Variants in ERBB3 observed in about 807,000 individuals in gnomAD.
ERBB3 encodes the protein erb-b2 receptor tyrosine kinase 3.
ERBB3 carries 96 observed loss-of-function variants against 156.7 expected under a neutral mutation model. The ratio of observed to expected loss-of-function variants is 0.61; its 90% CI spans 0.52 to 0.73. The LOEUF (loss-of-function observed/expected upper bound fraction) is 0.73, where lower values mean the gene tolerates loss of function less well. ERBB3 is among the 30% of genes least tolerant of loss of function. ERBB3 has a pLI of 0.00. For missense variants in ERBB3, 1,406 were observed against 1,709.4 expected, an observed-to-expected ratio of 0.82 and a Z score of 3.13; for synonymous variants, 567 against 632.0, an observed-to-expected ratio of 0.90 and a Z score of 1.54.
At position 56,093,494 on chromosome 12, in the gene ERBB3, G is replaced by A. The variant is rs372171124; in HGVS notation, c.1424G>A (p.Arg475Gln). The A allele has an allele frequency of 2.6e-4, 413 of 1,613,786 alleles. 2 individuals carry two copies. The South Asian group carries it at 4.1e-3, about 16-fold the overall frequency. ...HHSLNWTKVL[R>Q]GPTEERLDIK... ...TCTTTGAACTGGACCAAGGTGCTTC[G>A]GGGGCCTACGGAAGAGCGACTAGAC... Residue 475 changes from arginine (R) to glutamine (Q), a missense_variant, in exon 12 of 28, where the codon CGG (arginine) becomes CAG (glutamine). Coordinates refer to ENST00000267101, the MANE Select transcript of ERBB3 (RefSeq NM_001982.4).
Position 56,103,392 on chromosome 12 carries a change from T to A in ERBB3, c.*1337T>A, listed in dbSNP as rs1869190776. The stretch of plus-strand genomic sequence containing the variant: ...GACAGAAAAAAGATCCAGCTTCAGC[T>A]GCACACCTCTGTCCCCTTGGATGGG... On this transcript the variant is annotated 3_prime_UTR_variant, in exon 28 of 28. Transcript: ENST00000267101. 1 of 217,890 alleles carries A rather than the reference T, an allele frequency of 4.6e-6. No homozygotes were observed. Among genetic ancestry groups the A allele is most frequent in the Non-Finnish European group, 9.2e-6 (1 of 108,434 alleles). 13.5% of individuals were successfully genotyped at this position (217,890 alleles called of 1,614,324 possible).
Position 56,101,142 on chromosome 12 carries a change from G to C in ERBB3, c.3283G>C (p.Glu1095Gln). 1 of 1,613,960 alleles carries C rather than the reference G, an allele frequency of 6.2e-7. No homozygotes were observed. Among genetic ancestry groups the C allele is most frequent in the Non-Finnish European group, 8.5e-7 (1 of 1,180,012 alleles). Residue 1095 changes from glutamate to glutamine, a missense_variant, in exon 27 of 28, where the codon GAG becomes CAG. Coordinates refer to ENST00000267101, the MANE Select transcript of ERBB3 (RefSeq NM_001982.4). Reference protein sequence around the residue: ...HPMPRGCLASESSEGHVTGSE... With the variant: ...HPMPRGCLASQSSEGHVTGSE... The stretch of plus-strand genomic sequence containing the variant: ...AATGCCACGGGGATGCCTGGCATCA[G>C]AGTCATCAGAGGGGCATGTAACAGG...
At chr12:56,086,001 G>C (rs551838098) in intron 3 of ERBB3, among the ~76,000 whole-genome samples, 1 of 150,368 alleles carries the variant, frequency 6.7e-6, no homozygotes, top group South Asian at 2.1e-4. Flanking sequence ...CCCGGGAGGC[G>C]GAGCTTGCAG....
In ERBB3 at chr12:56,101,574, G is replaced by T. The variant is rs1356699066; in HGVS notation, c.3548G>T (p.Ser1183Ile). 6.2e-7 allele frequency: 1 copy of T among 1,614,080 alleles called. No individual in the cohort carries two copies. The highest frequency in any genetic ancestry group is 8.5e-7 in the Non-Finnish European group (1 of 1,180,018). The change falls in exon 28 of 28, where the codon AGT becomes ATT. Residue 1183 changes from serine to isoleucine, a missense_variant. Around this residue, in one of 3 missense-constraint regions of ERBB3, gnomAD observed 415 missense variants for 454.1 expected, o/e 0.91. Transcript: ENST00000267101. ...GGCACCCTTTCTTCAGTGGGTCTCA[G>T]TTCTGTCCTGGGTACTGAAGAAGAA... Reference protein sequence around the residue: ...REGTLSSVGLSSVLGTEEEDE... With the variant: ...REGTLSSVGLISVLGTEEEDE...
At chr12:56,093,977 C>T (rs149790108) in intron 13 of ERBB3, 81 bp downstream of exon 13, 1 of 1,589,660 alleles carries the variant, frequency 6.3e-7, no homozygotes, top group African/African-American at 1.3e-5. Context: ...CAATAAAAGT[C>T]TTTAGACAGC....
chr12:56,090,309 C>T (rs1362394168), intron 9 of ERBB3, among the ~76,000 whole-genome samples: 1 of 152,070 alleles, frequency 6.6e-6, no homozygotes, highest in Non-Finnish European at 1.5e-5. Context: ...CCCCCATACA[C>T]TCTTTTACCC....
intron 20 of ERBB3, 132 bp from the exon 21 acceptor site, chr12:56,097,653 C>T: frequency 1.0e-6 from 1 of 971,748 alleles, no homozygotes; most frequent in East Asian, 2.4e-5. Context: ...CTGTCTTCCA[C>T]AAAACCAGTC....
Position 56,095,129 on chromosome 12 carries a change from G to A in ERBB3, c.1860-128G>A, listed in dbSNP as rs705708. On this transcript the variant is annotated intron_variant, in intron 15 of 27. Coordinates refer to ENST00000267101, the MANE Select transcript of ERBB3 (RefSeq NM_001982.4). ...GAGCTGGAGGTGGAGGCCATGTCTT[G>A]GGATCAGCTCTGGGCTCCAGGATGG... The A allele has an allele frequency of 0.42, 309,995 of 746,480 alleles. 66,689 individuals carry two copies. The highest frequency in any genetic ancestry group is 0.46 in the Non-Finnish European group (190,451 of 410,360). The allele number at this position is 746,480 out of a possible 1,614,324, so 46.2% of individuals were successfully genotyped here.
rs766897145 is a variant in ERBB3 at position 56,094,134 on chromosome 12, TCTC to T, written c.1652_1654del (p.Ser551del). On this transcript the variant is annotated inframe_deletion, in exon 14 of 28. Coordinates refer to ENST00000267101, the MANE Select transcript of ERBB3 (RefSeq NM_001982.4). The stretch of plus-strand genomic sequence containing the variant: ...GAATTTGCCCATGAGGCCGAATGCT[TCTC>T]CTGCCACCCGGAATGCCAACCCATG... 3 of 1,613,834 alleles carry T rather than the reference TCTC, an allele frequency of 1.9e-6. No individual in the cohort carries two copies. Among genetic ancestry groups the T allele is most frequent in the Non-Finnish European group, 1.7e-6 (2 of 1,179,966 alleles).
chr12:56,098,228 C>T (rs1054881282), intron 21 of ERBB3: 12 of 534,752 alleles, frequency 2.2e-5, no homozygotes, highest in Non-Finnish European at 3.3e-5. Flanking sequence ...CACGGTGAAA[C>T]CCCGTCTCTA....
rs2136812277 is a variant in ERBB3, at chr12:56,094,170, C to T, written c.1685C>T (p.Thr562Ile). ...CHPECQPMEGTATCNGSGSDT... is the reference protein window; with the variant it reads ...CHPECQPMEGIATCNGSGSDT... ...CCGGAATGCCAACCCATGGAGGGCACTGCCACATGCAATGGCTCGGTATAC... is the reference window on the plus strand; with the variant it reads ...CCGGAATGCCAACCCATGGAGGGCATTGCCACATGCAATGGCTCGGTATAC... The change falls in exon 14 of 28, where the codon ACT (threonine) becomes ATT (isoleucine). Residue 562 changes from threonine to isoleucine, a missense_variant. Coordinates refer to ENST00000267101, the MANE Select transcript of ERBB3 (RefSeq NM_001982.4). 7 of 1,613,850 alleles carry T rather than the reference C, an allele frequency of 4.3e-6. No homozygotes were observed. Among genetic ancestry groups the T allele is most frequent in the African/African-American group, 1.3e-5 (1 of 75,024 alleles).
At chr12:56,093,919 A>G (rs1868803444) in intron 13 of ERBB3, 23 bp downstream of exon 13, 2 of 1,107,984 alleles carry the variant, frequency 1.8e-6, no homozygotes, top group Non-Finnish European at 2.7e-6. Flanking sequence ...GAGCCAGTCA[A>G]GGATGGGTGG....
intron 4 of ERBB3, 75 bp from the exon 5 acceptor site, chr12:56,087,502 A>T: frequency 8.1e-7 from 1 of 1,238,472 alleles, no homozygotes. Context: ...CTGTGTACTG[A>T]CATCATACCC....
chr12:56,088,642 G>T lies in ERBB3; in HGVS notation c.974G>T (p.Gly325Val). ...NGLKMCEPCG[G>V]LCPKACEGTG... ...CTCAAGATGTGTGAGCCTTGTGGGG[G>T]ACTATGTCCCAAAGGTGGGTAGGAG... The change falls in exon 8 of 28, where the codon GGA becomes GTA. Residue 325 changes from glycine to valine, a missense_variant. By Grantham distance (109) the Gly-to-Val change is moderately radical. Transcript: ENST00000267101. 1 of 1,614,052 alleles carries T rather than the reference G, an allele frequency of 6.2e-7. No individual in the cohort carries two copies. Among genetic ancestry groups the T allele is most frequent in the Non-Finnish European group, 8.5e-7 (1 of 1,179,898 alleles).
chr12:56,102,293 T>A lies in ERBB3; in HGVS notation c.*238T>A. On this transcript the variant is annotated 3_prime_UTR_variant, in exon 28 of 28. Transcript: ENST00000267101. ...CAGGAAAGGTTTTCCTTATTTTGTG[T>A]GCTTTCCCAGTCCCATTCCTCAGCT... 1 of 535,932 alleles carries A rather than the reference T, an allele frequency of 1.9e-6. No individual in the cohort carries two copies. Among genetic ancestry groups the A allele is most frequent in the Non-Finnish European group, 3.4e-6 (1 of 297,878 alleles). The allele number at this position is 535,932 out of a possible 1,614,324, so 33.2% of individuals were successfully genotyped here.
Position 56,095,535 on chromosome 12 carries a change from G to A in ERBB3, c.1914-130G>A, listed in dbSNP as rs894213790. On this transcript the variant is annotated intron_variant, in intron 16 of 27. Coordinates refer to ENST00000267101, the MANE Select transcript of ERBB3 (RefSeq NM_001982.4). Reference sequence around the variant, plus strand: ...CCAGATTTAGGTTGGTCCCTTCAGTGCTTAAGGATATATATGTGAATGTTA... The same window carrying A: ...CCAGATTTAGGTTGGTCCCTTCAGTACTTAAGGATATATATGTGAATGTTA... 3.4e-6 allele frequency: 4 copies of A among 1,182,048 alleles called. No individual in the cohort carries two copies. The African/African-American group carries it at 4.6e-5, about 13-fold the overall frequency. The allele number at this position is 1,182,048 out of a possible 1,614,324, so 73.2% of individuals were successfully genotyped here. A position where few individuals can be genotyped will look rare whatever the true frequency, so the allele number is the denominator to read the frequency against.
In ERBB3 at chr12:56,100,190, G is replaced by A. The variant is rs1385015783; in HGVS notation, c.3146G>A (p.Ser1049Asn). The change falls in exon 26 of 28, where the codon AGT (serine) becomes AAT (asparagine). Residue 1049 changes from serine to asparagine, a missense_variant. Ser to Asn is a conservative substitution (Grantham distance 46). This residue lies in a region of ERBB3 where 415 missense variants were observed against 454.1 expected (regional missense o/e 0.91). Coordinates refer to ENST00000267101, the MANE Select transcript of ERBB3 (RefSeq NM_001982.4). ...TCATCCTAGAGCCAGAGCCTTTTAAGTCCATCATCTGGATACATGCCCATG... is the reference window on the plus strand; with the variant it reads ...TCATCCTAGAGCCAGAGCCTTTTAAATCCATCATCTGGATACATGCCCATG... Reference protein sequence around the residue: ...NRPRGSQSLLSPSSGYMPMNQ... With the variant: ...NRPRGSQSLLNPSSGYMPMNQ... 1.2e-6 allele frequency: 2 copies of A among 1,613,960 alleles called. No homozygotes were observed. The highest frequency in any genetic ancestry group is 1.7e-5 in the Admixed American group (1 of 59,992).
intron 26 of ERBB3, 174 bp downstream of exon 26, chr12:56,100,419 A>G: frequency 1.5e-6 from 1 of 662,746 alleles, no homozygotes; most frequent in Non-Finnish European, 2.8e-6. Flanking sequence ...GAGAGAGTGG[A>G]TCACCTGAGG....
At chr12:56,089,831 C>A (rs1246580466) in intron 9 of ERBB3, among the ~76,000 whole-genome samples, 1 of 150,992 alleles carries the variant, frequency 6.6e-6, no homozygotes, top group Non-Finnish European at 1.5e-5. Context: ...GCAAAAAGAA[C>A]AAAGGGACTT....
Sources: gnomAD v4.1 joint callset for allele counts (sites outside exome capture counted in the v4.1 genomes callset) on GRCh38, gnomAD v4.1.1 for gene constraint, gnomAD v4.1.1 regional missense constraint, MANE v1.5 for transcripts, NCBI Gene and HGNC (gene_info 2026-07-23, HGNC 2026-07-21) for gene names.